Variants in KLHDC8A observed in about 807,000 individuals in gnomAD.
KLHDC8A encodes the protein kelch domain-containing protein 8A.
A neutral mutation model predicts 33.1 loss-of-function variants in KLHDC8A; 21 were observed. The ratio of observed to expected loss-of-function variants is 0.64; its 90% confidence interval spans 0.45 to 0.91. KLHDC8A has a LOEUF of 0.91. Among genes scored for constraint, KLHDC8A ranks in the 40% least tolerant of loss-of-function variants. The probability of loss-of-function intolerance (pLI) is 0.00; values close to 1 mark genes in which losing one functional copy is unlikely to be tolerated. For synonymous variants in KLHDC8A, 173 were observed against 193.5 expected (o/e 0.89, Z 0.88); for missense variants, 435 against 483.3 (o/e 0.90, Z 0.94).
chr1:205,351,602 CAAAAAAA>C (rs869257465), intron 1 of KLHDC8A: 4 of 103,554 alleles, frequency 3.9e-5, no homozygotes, highest in Non-Finnish European at 6.8e-5. Flanking sequence ...CTGTAATAGT[CAAAAAAA>C]AAAAAAAAAA....
At chr1:205,356,984 T>G, upstream of KLHDC8A, 1 of 157,314 alleles carries the variant, frequency 6.4e-6, no homozygotes. Flanking sequence ...CCATGGAAAC[T>G]AACCAACAAA....
intron 1 of KLHDC8A, among the ~76,000 whole-genome samples, chr1:205,356,242 C>T (rs1414967198): frequency 6.6e-6 from 1 of 152,148 alleles, no homozygotes; most frequent in Non-Finnish European, 1.5e-5. Flanking sequence ...GGATCAGAAG[C>T]CAGAAGTTCT....
Position 205,339,960 on chromosome 1 carries a change from C to T in KLHDC8A, c.377-152G>A. On this transcript the variant is annotated intron_variant, in intron 2 of 5. Transcript: ENST00000367155. This position sits in a 1 kb window ranked among gnomAD's most constrained non-coding sequence, Gnocchi z 5.1. ...TCTGTATCAGTGTGGTTGATAGCAC[C>T]ATTCAAAGAAGTTCCTGCTATAGCT... is the stretch of plus-strand genomic sequence containing the variant. 1.9e-6 allele frequency: 1 copy of T among 517,592 alleles called. No homozygotes were observed. Among genetic ancestry groups the T allele is most frequent in the Non-Finnish European group, 3.3e-6 (1 of 302,594 alleles). 32.1% of individuals were successfully genotyped at this position (517,592 alleles called of 1,614,324 possible). A position where few individuals can be genotyped will look rare whatever the true frequency, so the allele number is the denominator to read the frequency against.
chr1:205,349,711 A>C (rs538088213), intron 1 of KLHDC8A, among the ~76,000 whole-genome samples: 12 of 152,334 alleles, frequency 7.9e-5, no homozygotes, highest in Admixed American at 6.5e-4. Flanking sequence ...TTTCCTGACC[A>C]GCAATGTCAG....
chr1:205,349,642 G>A (rs77808698), intron 1 of KLHDC8A, among the ~76,000 whole-genome samples: 3 of 152,202 alleles, frequency 2.0e-5, no homozygotes, highest in Admixed American at 6.5e-5. Flanking sequence ...TGAGGAAATC[G>A]TAAGAGGAAA....
intron 1 of KLHDC8A, chr1:205,348,398 C>G (rs756366317): frequency 6.6e-6 from 1 of 152,182 alleles, no homozygotes; most frequent in Non-Finnish European, 1.5e-5. Context: ...TGCAGGGTAC[C>G]ACGCTGGCTG....
Position 205,356,596 on chromosome 1 carries a change from C to T in KLHDC8A, c.-253G>A, listed in dbSNP as rs1218412547. 1 of 456,256 alleles carries T rather than the reference C, an allele frequency of 2.2e-6. No homozygotes were observed. The highest frequency in any genetic ancestry group is 4.4e-6 in the Non-Finnish European group (1 of 226,952). 28.3% of individuals were successfully genotyped at this position (456,256 alleles called of 1,614,324 possible). A position where few individuals can be genotyped will look rare whatever the true frequency, so the allele number is the denominator to read the frequency against. On this transcript the variant is annotated 5_prime_UTR_variant, in exon 1 of 6. Transcript: ENST00000367155. ...TGCAAAAGACAAAGAAGGGGAGGGG[C>T]CGGGAGAGGGTCGAGCGGGTGTTGG...
chr1:205,343,682 C>T lies in KLHDC8A; in HGVS notation c.-78G>A. 2 of 1,419,618 alleles carry T rather than the reference C, an allele frequency of 1.4e-6. No homozygotes were observed. Among genetic ancestry groups the T allele is most frequent in the South Asian group, 1.4e-5 (1 of 68,976 alleles). The allele number at this position is 1,419,618 out of a possible 1,614,324, so 87.9% of individuals were successfully genotyped here. ...ACCGGCTACTTGGCGCCGGCTCCCA[C>T]GGCCCCTATCGCCACCTCCATCTGG... On this transcript the variant is annotated 5_prime_UTR_variant, in exon 2 of 6. It adds an upstream start codon to the 5' untranslated region. Coordinates refer to ENST00000367155, the MANE Select transcript of KLHDC8A (RefSeq NM_018203.3).
chr1:205,351,919 C>CA (rs143327523), intron 1 of KLHDC8A, among the ~76,000 whole-genome samples: 109 of 138,132 alleles, frequency 7.9e-4, no homozygotes, highest in South Asian at 1.1e-3. Flanking sequence ...AACTCCGTCT[C>CA]AAAAAAAAAA....
intron 2 of KLHDC8A, among the ~76,000 whole-genome samples, chr1:205,342,981 G>C (rs1224259489): frequency 6.6e-6 from 1 of 152,146 alleles, no homozygotes; most frequent in East Asian, 1.9e-4. Flanking sequence ...GACGCTACAA[G>C]GATGGAGTGA....
rs527485956 is a variant in KLHDC8A, at chr1:205,356,348, T to G, written c.-190+185A>C. On this transcript the variant is annotated intron_variant, in intron 1 of 5. Transcript: ENST00000367155. ...ACCAGATGGGAAGGAACCTTTAACT[T>G]CAAAGCTAGAGAGGCCCAGCTGAGG... Among the ~76,000 whole-genome samples the G allele has an allele frequency of 3.3e-5, 5 of 152,144 alleles. No homozygotes were observed. In the South Asian group the frequency reaches 1.0e-3, roughly 32 times the overall value.
chr1:205,339,420 G>C lies in KLHDC8A; in HGVS notation c.542-11C>G. 4 of 1,610,552 alleles carry C rather than the reference G, an allele frequency of 2.5e-6. No homozygotes were observed. The highest frequency in any genetic ancestry group is 2.5e-6 in the Non-Finnish European group (3 of 1,177,596). ...TGGACTGTCGTCCCCCTGGGGGCCA[G>C]AGCAGGATAGAGGTTGGGCAGAAGG... On this transcript the variant is annotated splice_polypyrimidine_tract_variant and intron_variant, in intron 3 of 5. Coordinates refer to ENST00000367155, the MANE Select transcript of KLHDC8A (RefSeq NM_018203.3). The surrounding 1 kb of genome is among the most constrained non-coding windows in gnomAD (Gnocchi z 5.1).
intron 1 of KLHDC8A, 98 bp from the exon 2 acceptor site, chr1:205,343,891 A>T: frequency 2.5e-6 from 1 of 402,810 alleles, no homozygotes; most frequent in Non-Finnish European, 4.4e-6. Context: ...TTCACTGGGA[A>T]GACGCGGCGG....
At chr1:205,356,184 G>A (rs1422705333) in intron 1 of KLHDC8A, among the ~76,000 whole-genome samples, 1 of 149,212 alleles carries the variant, frequency 6.7e-6, no homozygotes, top group African/African-American at 2.5e-5. Flanking sequence ...GTGAGAATAT[G>A]CAATATTTGG....
In KLHDC8A at chr1:205,336,376, C is replaced by T. The variant is rs887887176; in HGVS notation, c.*1023G>A. 6.6e-6 allele frequency: 1 copy of T among 152,604 alleles called. No individual in the cohort carries two copies. Among genetic ancestry groups the T allele is most frequent in the Admixed American group, 6.5e-5 (1 of 15,276 alleles). 9.5% of individuals were successfully genotyped at this position (152,604 alleles called of 1,614,324 possible). A position where few individuals can be genotyped will look rare whatever the true frequency, so the allele number is the denominator to read the frequency against. On this transcript the variant is annotated 3_prime_UTR_variant, in exon 6 of 6. Transcript: ENST00000367155. Reference sequence around the variant, plus strand: ...TGGTGGTGGCTGTGAGAAGGCAGAGCTCTTCAGAGGGGACAGCCAAGAACA... The same window carrying T: ...TGGTGGTGGCTGTGAGAAGGCAGAGTTCTTCAGAGGGGACAGCCAAGAACA...
chr1:205,347,536 T>C (rs1007004207), intron 1 of KLHDC8A, among the ~76,000 whole-genome samples: 1 of 152,186 alleles, frequency 6.6e-6, no homozygotes, highest in African/African-American at 2.4e-5. Context: ...CTCAAAAACA[T>C]AGTGAGACCC....
intron 1 of KLHDC8A, among the ~76,000 whole-genome samples, chr1:205,350,416 C>T (rs973495160): frequency 1.3e-5 from 2 of 152,138 alleles, no homozygotes; most frequent in Admixed American, 6.5e-5. Flanking sequence ...ATGGCTCTTT[C>T]TCTAAAAGTG....
chr1:205,338,718 T>G, intron 4 of KLHDC8A, 122 bp from the exon 5 acceptor site: 2 of 730,230 alleles, frequency 2.7e-6, no homozygotes, highest in South Asian at 3.5e-5. Flanking sequence ...TATTTATCCT[T>G]TATGCTTGGG....
chr1:205,343,946 G>T (rs1279318161), intron 1 of KLHDC8A, among the ~76,000 whole-genome samples, 153 bp from the exon 2 acceptor site: 3 of 152,104 alleles, frequency 2.0e-5, no homozygotes, highest in Non-Finnish European at 4.4e-5. Context: ...GCACTGCTTG[G>T]TCCCCGCCCC....
Sources: allele counts gnomAD v4.1 joint callset (sites outside exome capture counted in the v4.1 genomes callset), GRCh38; gene constraint gnomAD v4.1.1; non-coding constraint Gnocchi (gnomAD v3.1); transcripts MANE v1.5; gene names NCBI Gene and HGNC (gene_info 2026-07-23, HGNC 2026-07-21).